ZNF385D: variants seen among roughly 807,000 people sequenced by gnomAD.
The protein encoded by ZNF385D is zinc finger protein 659.
In ZNF385D, 15 loss-of-function variants were observed where a neutral mutation model predicts 35.8. That is an observed-to-expected ratio of 0.42 (90% CI 0.28 to 0.64). ZNF385D has a LOEUF of 0.64. Among genes scored for constraint, ZNF385D ranks in the 30% least tolerant of loss-of-function variants. The pLI, the probability that ZNF385D is intolerant of heterozygous loss-of-function variation, is 0.23. For synonymous variants in ZNF385D, 212 were observed against 186.8 expected, an observed-to-expected ratio of 1.13 and a Z score of -1.10; for missense variants, 474 against 494.6, an observed-to-expected ratio of 0.96 and a Z score of 0.39.
At chr3:22,339,505 G>A (rs1423106975) in intron 2 of ZNF385D, among the ~76,000 whole-genome samples, 1 of 152,132 alleles carries the variant, frequency 6.6e-6, no homozygotes, top group Admixed American at 6.5e-5. Flanking sequence ...AAGTACATAT[G>A]CAGTATAGAA....
At chr3:22,033,409 A>AATG (rs1358028893) in intron 3 of ZNF385D, among the ~76,000 whole-genome samples, 2 of 125,044 alleles carry the variant, frequency 1.6e-5, no homozygotes, top group Non-Finnish European at 3.5e-5. Context: ...CCAAAATAAT[A>AATG]ATAATAATAA....
chr3:21,572,680 T>C (rs997419954), intron 2 of ZNF385D, among the ~76,000 whole-genome samples: 3 of 152,190 alleles, frequency 2.0e-5, no homozygotes, highest in Non-Finnish European at 2.9e-5. Flanking sequence ...TATTTTGTTA[T>C]AGGAATGTCA....
chr3:22,096,162 G>A lies in ZNF385D; in HGVS notation c.325+72655C>T, dbSNP rs185313272. ...CATGTTTAATAATTGTTTAGAGGGG[G>A]AAGGGAGGGCAGGGAGAGAAGGAGA... is the stretch of plus-strand genomic sequence containing the variant. On this transcript the variant is annotated intron_variant, in intron 3 of 5. Coordinates refer to the ZNF385D transcript ENST00000494108. Among the ~76,000 whole-genome samples, 280 of 151,850 alleles carry A rather than the reference G, an allele frequency of 1.8e-3. 1 individual carries two copies. The highest frequency in any genetic ancestry group is 3.8e-3 in the Admixed American group (57 of 15,188).
intron 2 of ZNF385D, among the ~76,000 whole-genome samples, chr3:22,192,937 C>T (rs536430813): frequency 1.6e-4 from 25 of 152,174 alleles, no homozygotes; most frequent in Middle Eastern, 3.4e-3. Flanking sequence ...TGTTTGAGTA[C>T]CTTGACTAAG....
intron 2 of ZNF385D, among the ~76,000 whole-genome samples, chr3:22,303,097 G>C (rs1468391108): frequency 2.6e-5 from 4 of 152,228 alleles, no homozygotes; most frequent in Admixed American, 2.0e-4. Flanking sequence ...TGATTATCAA[G>C]AAACTGCCAT....
chr3:21,829,130 T>C (rs1694833774), intron 3 of ZNF385D, among the ~76,000 whole-genome samples: 1 of 152,176 alleles, frequency 6.6e-6, no homozygotes, highest in African/African-American at 2.4e-5. Context: ...GCATGATCCT[T>C]CTAGGGGGAA....
At chr3:22,195,409 C>T (rs892458314) in intron 2 of ZNF385D, among the ~76,000 whole-genome samples, 1 of 151,822 alleles carries the variant, frequency 6.6e-6, no homozygotes, top group African/African-American at 2.4e-5. Context: ...AGATATAAGT[C>T]TTTTATTGGC....
chr3:21,668,773 T>C (rs1369342992), intron 1 of ZNF385D, among the ~76,000 whole-genome samples: 2 of 152,250 alleles, frequency 1.3e-5, no homozygotes. Flanking sequence ...GCAAATATAA[T>C]ATGTTTCATC....
At chr3:21,941,733 G>C (rs562816974) in intron 3 of ZNF385D, among the ~76,000 whole-genome samples, 2 of 151,864 alleles carry the variant, frequency 1.3e-5, no homozygotes, top group South Asian at 4.2e-4. Context: ...TCCTGACCTC[G>C]TGATCCGCCC....
intron 2 of ZNF385D, among the ~76,000 whole-genome samples, chr3:22,347,026 TA>T (rs1695688080): frequency 1.3e-5 from 2 of 152,130 alleles, no homozygotes; most frequent in South Asian, 4.1e-4. Flanking sequence ...CCAACCCACA[TA>T]ATGTACAAAC....
chr3:22,015,772 T>G (rs1383131648), intron 3 of ZNF385D, among the ~76,000 whole-genome samples: 1 of 152,138 alleles, frequency 6.6e-6, no homozygotes, highest in Non-Finnish European at 1.5e-5. Context: ...CTCCATCTCC[T>G]GGCTTTCCTA....
At chr3:22,204,830 A>C (rs1697037628) in intron 2 of ZNF385D, among the ~76,000 whole-genome samples, 1 of 151,920 alleles carries the variant, frequency 6.6e-6, no homozygotes, top group Admixed American at 6.6e-5. Context: ...GAGAAAAAGA[A>C]TAAAGAACAA....
chr3:22,143,186 C>T (rs561615843), intron 3 of ZNF385D, among the ~76,000 whole-genome samples: 15 of 151,356 alleles, frequency 9.9e-5, no homozygotes, highest in East Asian at 7.9e-4. Context: ...AAGTTCACTC[C>T]ATTCTCCTGC....
At chr3:21,636,042 T>C (rs897173185) in intron 2 of ZNF385D, among the ~76,000 whole-genome samples, 9 of 152,188 alleles carry the variant, frequency 5.9e-5, no homozygotes, top group Non-Finnish European at 8.8e-5. Context: ...ATCTTTTTCA[T>C]ATAATGACTT....
intron 3 of ZNF385D, among the ~76,000 whole-genome samples, chr3:22,067,526 A>G (rs1700016515): frequency 6.6e-6 from 1 of 152,236 alleles, no homozygotes; most frequent in Non-Finnish European, 1.5e-5. Context: ...AAGCTATGAC[A>G]AAACAGAAGT....
At chr3:21,590,125 C>A (rs77134435) in intron 2 of ZNF385D, among the ~76,000 whole-genome samples, 4 of 152,046 alleles carry the variant, frequency 2.6e-5, no homozygotes, top group Non-Finnish European at 4.4e-5. Context: ...TAGACCTGTA[C>A]CCTATGGTCT....
intron 3 of ZNF385D, among the ~76,000 whole-genome samples, chr3:21,878,539 T>TTTA (rs10662600): frequency 2.0e-5 from 3 of 151,446 alleles, no homozygotes; most frequent in Non-Finnish European, 4.4e-5. Context: ...ATGAAGTCCT[T>TTTA]ATTTTTCAAC....
chr3:21,558,353 T>C (rs1268935376), intron 3 of ZNF385D, among the ~76,000 whole-genome samples: 1 of 144,938 alleles, frequency 6.9e-6, no homozygotes, highest in African/African-American at 2.5e-5. Flanking sequence ...TGGTACATTG[T>C]GTCTTTTTTC....
intron 2 of ZNF385D, among the ~76,000 whole-genome samples, chr3:22,348,024 C>T (rs866308195): frequency 1.3e-5 from 2 of 152,028 alleles, no homozygotes; most frequent in African/African-American, 4.8e-5. Context: ...GTGATAATTG[C>T]AGCATGTATA....
Sources: allele counts gnomAD v4.1 joint callset (sites outside exome capture counted in the v4.1 genomes callset), GRCh38; gene constraint gnomAD v4.1.1; transcripts MANE v1.5; gene names NCBI Gene and HGNC (gene_info 2026-07-23, HGNC 2026-07-21).